Variants in NUP58 observed in about 807,000 individuals in gnomAD.
NUP58 encodes nucleoporin p58/p45.
NUP58 carries 17 observed loss-of-function variants against 70.1 expected under a neutral mutation model. The ratio of observed to expected loss-of-function variants is 0.24; its 90% confidence interval spans 0.17 to 0.36. The LOEUF (loss-of-function observed/expected upper bound fraction) is 0.36. Among genes scored for constraint, NUP58 ranks in the 10% least tolerant of loss-of-function variants. NUP58 has a pLI of 1.00. For synonymous variants in NUP58, 275 were observed against 257.6 expected, an observed-to-expected ratio of 1.07 and a Z score of -0.65; for missense variants, 644 against 701.5, an observed-to-expected ratio of 0.92 and a Z score of 0.93.
At chr13:25,313,159 T>C (rs1228563920) in intron 4 of NUP58, 127 bp downstream of exon 4, 16 of 1,124,854 alleles carry the variant, frequency 1.4e-5, no homozygotes, top group Non-Finnish European at 1.9e-5. Context: ...GCTTTGAGCA[T>C]TGAAGCAGGA....
At chr13:25,325,610 C>T (rs926045547) in intron 10 of NUP58, among the ~76,000 whole-genome samples, 3 of 152,184 alleles carry the variant, frequency 2.0e-5, no homozygotes, top group Non-Finnish European at 4.4e-5. Flanking sequence ...ACTATACATG[C>T]TTTACCTTCA....
At chr13:25,323,624 A>T (rs960729578) in intron 9 of NUP58, among the ~76,000 whole-genome samples, 3 of 152,228 alleles carry the variant, frequency 2.0e-5, no homozygotes, top group African/African-American at 7.2e-5. Flanking sequence ...TCTGGGAAAT[A>T]TAAGCAGTTC....
intron 12 of NUP58, among the ~76,000 whole-genome samples, chr13:25,328,554 C>G (rs989464496): frequency 6.6e-6 from 1 of 151,804 alleles, no homozygotes; most frequent in Non-Finnish European, 1.5e-5. Context: ...TGCCACCATG[C>G]CTGGCTAATT....
At chr13:25,308,053 T>A in intron 2 of NUP58, 105 bp downstream of exon 2, 1 of 1,246,362 alleles carries the variant, frequency 8.0e-7, no homozygotes, top group Non-Finnish European at 1.1e-6. Flanking sequence ...TAGTAGACCT[T>A]AAAAAATGGT....
chr13:25,308,145 A>C, intron 2 of NUP58, 197 bp downstream of exon 2: 1 of 473,574 alleles, frequency 2.1e-6, no homozygotes, highest in Non-Finnish European at 3.6e-6. Context: ...ATCTACTCTG[A>C]TATAACGAAG....
chr13:25,314,098 T>G (rs1369687373), intron 5 of NUP58, among the ~76,000 whole-genome samples: 1 of 152,046 alleles, frequency 6.6e-6, no homozygotes, highest in East Asian at 1.9e-4. Flanking sequence ...ACCTGGCTTA[T>G]TTTTGTATTT....
intron 7 of NUP58, chr13:25,320,236 T>A: frequency 4.6e-6 from 1 of 218,940 alleles, no homozygotes; most frequent in Admixed American, 5.9e-5. Context: ...TTTGCAGTAT[T>A]CTCTGATTTT....
At chr13:25,306,425 T>C (rs967426238) in intron 1 of NUP58, among the ~76,000 whole-genome samples, 2 of 144,114 alleles carry the variant, frequency 1.4e-5, no homozygotes, top group Non-Finnish European at 3.0e-5. Context: ...ATCTGCTAAG[T>C]GGGTACTGTT....
In NUP58 at chr13:25,312,879, A is replaced by G; in HGVS notation, c.287-4A>G. The G allele has an allele frequency of 1.3e-6, 2 of 1,593,008 alleles. No individual in the cohort carries two copies. The highest frequency in any genetic ancestry group is 1.7e-6 in the Non-Finnish European group (2 of 1,168,750). ...TTTGTTTATTCATTTATTTATTTAA[A>G]TAGGAACGCCAGCCACTACATCTGC... On this transcript the variant is annotated splice_region_variant and splice_polypyrimidine_tract_variant and intron_variant, in intron 3 of 15. Transcript: ENST00000381736.
At chr13:25,346,675 G>A (rs181465305), downstream of NUP58, among the ~76,000 whole-genome samples, 329 of 149,802 alleles carry the variant, frequency 2.2e-3, 3 homozygotes, top group African/African-American at 6.7e-3. Flanking sequence ...AGCAGAGATC[G>A]CACCATTGCA....
chr13:25,327,145 C>T, intron 11 of NUP58, 111 bp downstream of exon 11: 2 of 637,154 alleles, frequency 3.1e-6, no homozygotes, highest in Non-Finnish European at 5.5e-6. Context: ...AGAAAATTTC[C>T]TTAAAAGTCA....
intron 14 of NUP58, among the ~76,000 whole-genome samples, chr13:25,338,046 T>C (rs576843785): frequency 6.6e-6 from 1 of 152,272 alleles, no homozygotes; most frequent in African/African-American, 2.4e-5. Context: ...AGAAAAACCA[T>C]GATCTTCTCA....
chr13:25,331,899 T>C, intron 13 of NUP58: 1 of 1,084,930 alleles, frequency 9.2e-7, no homozygotes, highest in South Asian at 2.9e-5. Context: ...CATTTATTGT[T>C]TTAAAGTCAG....
intron 5 of NUP58, among the ~76,000 whole-genome samples, chr13:25,314,436 C>G (rs928285928): frequency 2.0e-5 from 3 of 151,894 alleles, no homozygotes; most frequent in African/African-American, 4.8e-5. Context: ...TGGCTCACAC[C>G]TGTAATCCCA....
intron 13 of NUP58, chr13:25,333,589 C>T: frequency 1.0e-6 from 1 of 985,378 alleles, no homozygotes; most frequent in Non-Finnish European, 1.2e-6. Context: ...ATTATCTTTT[C>T]TTTCTCCTTT....
intron 13 of NUP58, chr13:25,335,964 C>T: frequency 3.7e-6 from 4 of 1,090,136 alleles, no homozygotes; most frequent in Admixed American, 5.4e-5. Context: ...TTTTTGTATT[C>T]TGCTTAGTTT....
At chr13:25,307,472 C>T (rs889585540) in intron 1 of NUP58, among the ~76,000 whole-genome samples, 7 of 152,012 alleles carry the variant, frequency 4.6e-5, no homozygotes, top group Non-Finnish European at 5.9e-5. Flanking sequence ...CCTCGGCCTC[C>T]CAAAGTGCTG....
intron 6 of NUP58, chr13:25,317,819 T>G (rs2031001855): frequency 6.7e-6 from 1 of 150,172 alleles, no homozygotes; most frequent in African/African-American, 2.4e-5. Flanking sequence ...AAACCCCATG[T>G]GCAGAGGTAA....
At position 25,325,047 on chromosome 13, in the gene NUP58, A is replaced by G. The variant is rs771639002; in HGVS notation, c.1010A>G (p.His337Arg). Reference protein sequence around the residue: ...RTQKTPPGLQHEYAAPADYFR... With the variant: ...RTQKTPPGLQREYAAPADYFR... ...CAGAAGACACCACCTGGACTTCAAC[A>G]TGAATATGCAGCTCCTGCTGAGTAA... Residue 337 changes from histidine (H) to arginine (R), a missense_variant, in exon 10 of 16, where the codon CAT (histidine) becomes CGT (arginine). Physicochemically the swap from His to Arg is conservative, Grantham distance 29. Transcript: ENST00000381736. The G allele has an allele frequency of 1.2e-6, 2 of 1,610,944 alleles. No homozygotes were observed. The highest frequency in any genetic ancestry group is 1.3e-5 in the African/African-American group (1 of 74,696).
Sources: allele counts gnomAD v4.1 joint callset (sites outside exome capture counted in the v4.1 genomes callset), GRCh38; gene constraint gnomAD v4.1.1; transcripts MANE v1.5; gene names NCBI Gene and HGNC (gene_info 2026-07-23, HGNC 2026-07-21).